RALYL: variants seen among roughly 807,000 people sequenced by gnomAD.
RALYL encodes the protein RNA-binding Raly-like protein.
RALYL carries 29 observed loss-of-function variants against 35.1 expected under a neutral mutation model. The ratio of observed to expected loss-of-function variants is 0.83; its 90% CI spans 0.61 to 1.13. The LOEUF (loss-of-function observed/expected upper bound fraction) is 1.13. RALYL is among the 50% of genes most tolerant of loss of function. The probability of loss-of-function intolerance (pLI) is 0.00; values close to 1 mark genes in which losing one functional copy is unlikely to be tolerated. For synonymous variants in RALYL, 120 were observed against 127.6 expected, an observed-to-expected ratio of 0.94 and a Z score of 0.40; for missense variants, 359 against 360.4, an observed-to-expected ratio of 1.00 and a Z score of 0.03.
At chr8:84,565,155 C>T (rs935644810) in intron 2 of RALYL, among the ~76,000 whole-genome samples, 1 of 151,582 alleles carries the variant, frequency 6.6e-6, no homozygotes, top group African/African-American at 2.4e-5. Context: ...CCCAAAGAAT[C>T]TCTCTTCTGG....
At chr8:84,452,642 CAG>C (rs2049629906) in intron 1 of RALYL, among the ~76,000 whole-genome samples, 1 of 152,046 alleles carries the variant, frequency 6.6e-6, no homozygotes, top group East Asian at 1.9e-4. Flanking sequence ...TTACAAGTCT[CAG>C]AGAGCTGAAA....
At chr8:84,216,917 C>T (rs1392480017) in intron 1 of RALYL, among the ~76,000 whole-genome samples, 2 of 152,122 alleles carry the variant, frequency 1.3e-5, no homozygotes, top group Non-Finnish European at 2.9e-5. Context: ...AGCTAATTCA[C>T]GTGCTAGATA....
chr8:84,440,048 A>G (rs2048169301), intron 1 of RALYL, among the ~76,000 whole-genome samples: 1 of 152,084 alleles, frequency 6.6e-6, no homozygotes, highest in Non-Finnish European at 1.5e-5. Context: ...TCTCCATATT[A>G]TTTTACATTT....
rs567730094 is a variant in RALYL, at chr8:84,294,649, G to A, written c.-24+110225G>A. On this transcript the variant is annotated intron_variant, in intron 1 of 8. Transcript: ENST00000521268. ...GTCGCCAAAATGAGAGCAAATAGAG[G>A]CCACTCAATCAGACCTTGTTATAAC... 6.6e-5 allele frequency among the ~76,000 whole-genome samples: 10 copies of A among 152,176 alleles called. No homozygotes were observed. In the South Asian group the frequency reaches 2.1e-3, roughly 32 times the overall value.
chr8:84,303,072 A>G (rs181268171), intron 1 of RALYL, among the ~76,000 whole-genome samples: 1 of 152,136 alleles, frequency 6.6e-6, no homozygotes, highest in African/African-American at 2.4e-5. Context: ...TTCAGGGTAC[A>G]TTTTCACTTA....
chr8:84,833,641 C>CA (rs548355814), intron 4 of RALYL, among the ~76,000 whole-genome samples: 9,035 of 70,214 alleles, frequency 0.13, 961 homozygotes, highest in African/African-American at 0.3. Context: ...GACTTCGTCT[C>CA]AAAAAAAAAA....
chr8:84,317,097 G>T (rs1843895343), intron 1 of RALYL, among the ~76,000 whole-genome samples: 1 of 152,124 alleles, frequency 6.6e-6, no homozygotes, highest in South Asian at 2.1e-4. Flanking sequence ...AGTCAGAGCA[G>T]CAGGGATGAA....
At chr8:84,917,306 G>A (rs79676798) in intron 8 of RALYL, among the ~76,000 whole-genome samples, 299 of 151,890 alleles carry the variant, frequency 2.0e-3, no homozygotes, top group Non-Finnish European at 3.3e-3. Context: ...AGTTAGGAGG[G>A]GCAGGGAAAT....
Position 84,348,602 on chromosome 8 carries a change from C to A in RALYL, c.-24+164178C>A, listed in dbSNP as rs559805205. 2.0e-5 allele frequency among the ~76,000 whole-genome samples: 3 copies of A among 152,040 alleles called. No individual in the cohort carries two copies. In the South Asian group the frequency reaches 6.2e-4, roughly 32 times the overall value. ...GCCCAGGCAATTACACCACCAGGAA[C>A]AATTACTGCTTTATCGACCGTAAAC... On this transcript the variant is annotated intron_variant, in intron 1 of 8. Transcript: ENST00000521268.
intron 2 of RALYL, among the ~76,000 whole-genome samples, chr8:84,735,026 TG>T (rs1219037050): frequency 1.7e-4 from 26 of 151,676 alleles, no homozygotes; most frequent in African/African-American, 5.3e-4. Flanking sequence ...TGTGTGTGTG[TG>T]TGTGTGTGTG....
At chr8:84,310,763 T>TTAATGTATAGTATAAATATGTGAAACA (rs1554614651) in intron 1 of RALYL, among the ~76,000 whole-genome samples, 1 of 150,892 alleles carries the variant, frequency 6.6e-6, no homozygotes, top group Non-Finnish European at 1.5e-5. Context: ...AAAATGTATA[T>TTAATGTATAGTATAAATATGTGAAACA]TAGGCCGGGT....
intron 1 of RALYL, among the ~76,000 whole-genome samples, chr8:84,384,570 C>A (rs1399766528): frequency 6.6e-6 from 1 of 151,722 alleles, no homozygotes; most frequent in Non-Finnish European, 1.5e-5. Flanking sequence ...CTATCTCTTT[C>A]ATTTCATAGC....
chr8:84,269,951 G>C (rs1586670578), intron 1 of RALYL, among the ~76,000 whole-genome samples: 1 of 151,880 alleles, frequency 6.6e-6, no homozygotes, highest in Non-Finnish European at 1.5e-5. Flanking sequence ...GAGTAAATTA[G>C]GGTAAAGAAC....
chr8:84,212,119 G>A (rs567991343), intron 1 of RALYL, among the ~76,000 whole-genome samples: 13 of 152,264 alleles, frequency 8.5e-5, no homozygotes, highest in African/African-American at 3.1e-4. Context: ...GGATGAAAAT[G>A]CAGTTGAGTA....
At chr8:84,625,507 G>A (rs1234118171) in intron 2 of RALYL, among the ~76,000 whole-genome samples, 2 of 152,144 alleles carry the variant, frequency 1.3e-5, no homozygotes, top group African/African-American at 4.8e-5. Flanking sequence ...CTCATGAATA[G>A]TACTAGTAGT....
chr8:84,555,850 AT>A (rs1169472576), intron 2 of RALYL, among the ~76,000 whole-genome samples: 3 of 152,218 alleles, frequency 2.0e-5, no homozygotes, highest in Non-Finnish European at 4.4e-5. Flanking sequence ...ACAATTTAGA[AT>A]GGAATAAAAA....
chr8:84,548,127 T>G (rs184492337), intron 2 of RALYL, among the ~76,000 whole-genome samples: 1 of 152,180 alleles, frequency 6.6e-6, no homozygotes, highest in Non-Finnish European at 1.5e-5. Context: ...AACATTTCTT[T>G]GCTAACTTCT....
At chr8:84,791,514 G>A (rs1321548489) in intron 3 of RALYL, among the ~76,000 whole-genome samples, 3 of 152,294 alleles carry the variant, frequency 2.0e-5, no homozygotes, top group Non-Finnish European at 2.9e-5. Flanking sequence ...AAGCAGAAGA[G>A]TACCATGACA....
chr8:84,778,123 T>C lies in RALYL; in HGVS notation c.332+3469T>C, dbSNP rs373267621. On this transcript the variant is annotated intron_variant, in intron 3 of 8. Transcript: ENST00000521268. The stretch of plus-strand genomic sequence containing the variant: ...AACAGGGTGAAGAGAGAGCATAACG[T>C]AATGAAAGTAAGTTATTTGTATGAA... Among the ~76,000 whole-genome samples, 70 of 152,288 alleles carry C rather than the reference T, an allele frequency of 4.6e-4. No homozygotes were observed. The South Asian group carries it at 0.014, about 31-fold the overall frequency.
Sources: gnomAD v4.1 joint callset for allele counts (sites outside exome capture counted in the v4.1 genomes callset) on GRCh38, gnomAD v4.1.1 for gene constraint, MANE v1.5 for transcripts, NCBI Gene and HGNC (gene_info 2026-07-23, HGNC 2026-07-21) for gene names.